ALK: variants seen among roughly 807,000 people sequenced by gnomAD.
The protein encoded by ALK is ALK receptor tyrosine kinase, also known as ALK tyrosine kinase receptor.
A neutral mutation model predicts 163.1 loss-of-function variants in ALK; 74 were observed. The observed-to-expected ratio is 0.45, with a 90% confidence interval of 0.38 to 0.55. The LOEUF is 0.55. Ranked by LOEUF, ALK falls within the 20% of genes least tolerant of loss-of-function variation. The pLI, the probability that ALK is intolerant of heterozygous loss-of-function variation, is 0.00. For synonymous variants in ALK, 960 were observed against 843.2 expected (o/e 1.14, Z -2.40); for missense variants, 2,063 against 2,105.3 (o/e 0.98, Z 0.39).
chr2:29,244,110 C>CG (rs1416511498), intron 12 of ALK, among the ~76,000 whole-genome samples: 2 of 152,200 alleles, frequency 1.3e-5, no homozygotes, highest in Non-Finnish European at 2.9e-5. Flanking sequence ...TCCACACACA[C>CG]GGGGGGATCT....
At chr2:29,787,088 C>G (rs1465230723) in intron 1 of ALK, among the ~76,000 whole-genome samples, 2 of 152,146 alleles carry the variant, frequency 1.3e-5, no homozygotes, top group East Asian at 3.9e-4. Context: ...AGCCACCATG[C>G]CCGGCCTTCC....
In ALK at chr2:29,193,888, T is replaced by G. The variant is rs978004615; in HGVS notation, c.4199A>C (p.Glu1400Ala). The change falls in exon 29 of 29, where the codon GAA becomes GCA. Residue 1400 changes from glutamate (E) to alanine (A), a missense_variant. Physicochemically the swap from Glu to Ala is moderately radical, Grantham distance 107. This residue lies in a region of ALK where 403 missense variants were observed against 366.2 expected (regional missense o/e 1.10). Transcript: ENST00000389048. ...PDVINTALPI[E>A]YGPLVEEEEK... ...TTCCTCTTCCACAAGTGGACCATATTCTATCGGCAAAGCGGTGTTGATTAC... is the reference window on the plus strand; with the variant it reads ...TTCCTCTTCCACAAGTGGACCATATGCTATCGGCAAAGCGGTGTTGATTAC... 1.2e-6 allele frequency: 2 copies of G among 1,614,150 alleles called. No individual in the cohort carries two copies. Among genetic ancestry groups the G allele is most frequent in the Non-Finnish European group, 1.7e-6 (2 of 1,180,036 alleles).
chr2:29,193,364 G>A lies in ALK; in HGVS notation c.4723C>T (p.Arg1575Cys), dbSNP rs148351049. ...TTGACATTCCCACAAGGGAAGTGAC[G>A]TAGCCTGAACAGAGGTACCTCCTTC... ...NMKEVPLFRL[R>C]HFPCGNVNYG... The change falls in exon 29 of 29, where the codon CGT becomes TGT. Residue 1575 changes from arginine (R) to cysteine (C), a missense_variant. Coordinates refer to ENST00000389048, the MANE Select transcript of ALK (RefSeq NM_004304.5). 6 of 1,614,082 alleles carry A rather than the reference G, an allele frequency of 3.7e-6. No individual in the cohort carries two copies. In the African/African-American group the frequency reaches 4.0e-5, roughly 11 times the overall value.
intron 4 of ALK, among the ~76,000 whole-genome samples, chr2:29,459,663 A>G (rs1671039600): frequency 6.6e-6 from 1 of 152,090 alleles, no homozygotes; most frequent in South Asian, 2.1e-4. Context: ...TTCTTCCTGG[A>G]ACTTATAAAT....
chr2:29,250,146 C>T (rs1664779496), intron 12 of ALK, among the ~76,000 whole-genome samples: 1 of 152,194 alleles, frequency 6.6e-6, no homozygotes, highest in Non-Finnish European at 1.5e-5. Flanking sequence ...ACTGTTCCCA[C>T]AAGGCATAGT....
At chr2:29,801,322 C>T (rs888540028) in intron 1 of ALK, among the ~76,000 whole-genome samples, 4 of 152,116 alleles carry the variant, frequency 2.6e-5, no homozygotes, top group African/African-American at 9.7e-5. Flanking sequence ...TTTTTAAGCT[C>T]AATGACTAGT....
chr2:29,517,611 C>G (rs572557204), intron 4 of ALK, among the ~76,000 whole-genome samples: 1 of 152,240 alleles, frequency 6.6e-6, no homozygotes, highest in East Asian at 1.9e-4. Flanking sequence ...TGTTGCCACT[C>G]TCTCCAATTT....
chr2:29,196,896 A>C, intron 27 of ALK, 36 bp from the exon 28 acceptor site: 4 of 1,514,164 alleles, frequency 2.6e-6, no homozygotes, highest in Non-Finnish European at 2.8e-6. Context: ...AATAAGGAGA[A>C]GCACAATGAT....
At chr2:29,654,560 C>T (rs894342460) in intron 3 of ALK, among the ~76,000 whole-genome samples, 2 of 152,054 alleles carry the variant, frequency 1.3e-5, no homozygotes, top group Non-Finnish European at 2.9e-5. Flanking sequence ...CTGGAGATCA[C>T]CCTTTGAGGT....
intron 1 of ALK, among the ~76,000 whole-genome samples, chr2:29,802,729 C>T (rs532422077): frequency 7.3e-4 from 110 of 151,644 alleles, no homozygotes; most frequent in African/African-American, 2.6e-3. Flanking sequence ...GTTCTATACC[C>T]TTGTACCTAC....
intron 3 of ALK, among the ~76,000 whole-genome samples, chr2:29,562,937 G>A (rs1051801264): frequency 2.0e-5 from 3 of 152,136 alleles, no homozygotes; most frequent in African/African-American, 7.2e-5. Flanking sequence ...GTTTCCCAAA[G>A]GTAAGCTAAG....
At chr2:29,783,174 T>A (rs1448530174) in intron 1 of ALK, among the ~76,000 whole-genome samples, 1 of 152,244 alleles carries the variant, frequency 6.6e-6, no homozygotes, top group Non-Finnish European at 1.5e-5. Flanking sequence ...CTCATCTACA[T>A]CATAATCAAT....
intron 3 of ALK, among the ~76,000 whole-genome samples, chr2:29,550,598 T>G (rs1673689294): frequency 6.6e-6 from 1 of 152,156 alleles, no homozygotes; most frequent in Non-Finnish European, 1.5e-5. Flanking sequence ...AACCAGAAAA[T>G]TGAAATTTGG....
chr2:29,920,306 T>C lies in ALK; in HGVS notation c.354A>G (p.Ala118=), dbSNP rs779794415. The C allele has an allele frequency of 1.3e-6, 2 of 1,560,898 alleles. No homozygotes were observed. The highest frequency in any genetic ancestry group is 2.4e-5 in the East Asian group (1 of 41,866). ...GCACCCTGGACAGCGTCCGGGCCTC[T>C]GCCGGGGCTGGTGAACCGGCGGTCC... ...VSWTAGSPAP[A]EARTLSRVLK... Residue 118 remains alanine, a synonymous_variant, in exon 1 of 29, where the codon GCA becomes GCG. Transcript: ENST00000389048.
At chr2:29,846,983 A>T (rs1032906078) in intron 1 of ALK, among the ~76,000 whole-genome samples, 1 of 152,206 alleles carries the variant, frequency 6.6e-6, no homozygotes, top group African/African-American at 2.4e-5. Flanking sequence ...AAACACACGT[A>T]AAAAGGAGCT....
rs148087862 is a variant in ALK, at chr2:29,305,753, C to G, written c.1648-8696G>C. 1.4e-4 allele frequency among the ~76,000 whole-genome samples: 22 copies of G among 152,316 alleles called. No homozygotes were observed. The East Asian group carries it at 4.2e-3, about 29-fold the overall frequency. On this transcript the variant is annotated intron_variant, in intron 8 of 28. Transcript: ENST00000389048. ...CACCAGAGACCAGTTTCGTGGAAGA[C>G]AACTTTTCCACAGACCAGGGGCTGG...
intron 3 of ALK, among the ~76,000 whole-genome samples, chr2:29,654,352 T>A (rs1677117687): frequency 6.6e-6 from 1 of 152,052 alleles, no homozygotes; most frequent in Non-Finnish European, 1.5e-5. Flanking sequence ...ATGGCTGTCA[T>A]GCTCCAGATG....
At chr2:29,914,723 C>T (rs1204166636) in intron 1 of ALK, among the ~76,000 whole-genome samples, 1 of 152,178 alleles carries the variant, frequency 6.6e-6, no homozygotes, top group Non-Finnish European at 1.5e-5. Context: ...GGCTATTGCC[C>T]ACCAAATATT....
intron 8 of ALK, among the ~76,000 whole-genome samples, chr2:29,314,523 G>C (rs1666776384): frequency 6.6e-6 from 1 of 152,126 alleles, no homozygotes; most frequent in African/African-American, 2.4e-5. Context: ...GTATGTGTGA[G>C]AAGAGGGGAG....
Sources: allele counts gnomAD v4.1 joint callset (sites outside exome capture counted in the v4.1 genomes callset), GRCh38; gene constraint gnomAD v4.1.1; regional missense constraint gnomAD v4.1.1; transcripts MANE v1.5; gene names NCBI Gene and HGNC (gene_info 2026-07-23, HGNC 2026-07-21).